The following DLG2 variants were observed in gnomAD, a reference collection of about 807,000 sequenced individuals.
DLG2 encodes disks large homolog 2.
In DLG2, 45 loss-of-function variants were observed where a neutral mutation model predicts 132.5. The observed-to-expected ratio is 0.34, with a 90% CI of 0.27 to 0.44. The LOEUF is 0.44. Among genes scored for constraint, DLG2 ranks in the 20% least tolerant of loss-of-function variants. The probability of loss-of-function intolerance (pLI) is 1.00; values close to 1 mark genes in which losing one functional copy is unlikely to be tolerated. For missense variants in DLG2, 1,045 were observed against 1,196.9 expected (o/e 0.87, Z 1.87); for synonymous variants, 424 against 419.6 (o/e 1.01, Z -0.13).
chr11:84,676,286 G>T (rs115645694), intron 6 of DLG2, among the ~76,000 whole-genome samples: 1,985 of 152,082 alleles, frequency 0.013, 27 homozygotes, highest in African/African-American at 0.025. Flanking sequence ...TCTGGAAACC[G>T]GAAGGAAAAC....
In DLG2 at chr11:83,862,187, G is replaced by A. The variant is rs115119237; in HGVS notation, c.1565+12233C>T. ...GCAATAGCCAAGATTTGGAAGAAAT[G>A]TAAGTGTCTACCAACAAACGAGAAT... On this transcript the variant is annotated intron_variant, in intron 16 of 27. Coordinates refer to ENST00000376104, the MANE Select transcript of DLG2 (RefSeq NM_001142699.3). 4.6e-3 allele frequency among the ~76,000 whole-genome samples: 695 copies of A among 152,250 alleles called. 2 individuals carry two copies. Among genetic ancestry groups the A allele is most frequent in the African/African-American group, 0.016 (667 of 41,576 alleles).
At chr11:84,723,680 T>A (rs985830388) in intron 6 of DLG2, among the ~76,000 whole-genome samples, 1 of 152,012 alleles carries the variant, frequency 6.6e-6, no homozygotes, top group Non-Finnish European at 1.5e-5. Context: ...AATTTGAGAG[T>A]GTACTGCATG....
At chr11:84,102,236 C>A (rs1056093001) in intron 9 of DLG2, among the ~76,000 whole-genome samples, 4 of 152,096 alleles carry the variant, frequency 2.6e-5, no homozygotes, top group African/African-American at 7.2e-5. Context: ...TTGTAGTTGT[C>A]TGTTTCTGAG....
intron 16 of DLG2, 54 bp downstream of exon 16, chr11:83,874,366 A>G: frequency 7.8e-7 from 1 of 1,275,096 alleles, no homozygotes; most frequent in South Asian, 1.7e-5. Flanking sequence ...AGAGAAAGGA[A>G]GACTTCATAT....
intron 7 of DLG2, among the ~76,000 whole-genome samples, chr11:84,436,226 G>A (rs888046851): frequency 7.9e-5 from 12 of 152,168 alleles, no homozygotes; most frequent in African/African-American, 1.4e-4. Context: ...AGTCAGTTAC[G>A]TTCTAAAATT....
chr11:85,003,759 A>G (rs2154131854), intron 6 of DLG2, among the ~76,000 whole-genome samples: 1 of 152,262 alleles, frequency 6.6e-6, no homozygotes, highest in Admixed American at 6.5e-5. Flanking sequence ...TCTGGGATAC[A>G]TATGCAGAAC....
intron 17 of DLG2, among the ~76,000 whole-genome samples, chr11:83,799,592 CCAAA>C (rs1462283765): frequency 6.6e-6 from 1 of 152,098 alleles, no homozygotes. Context: ...CTTCTGGAAG[CCAAA>C]CAGAGTTTAA....
intron 4 of DLG2, among the ~76,000 whole-genome samples, chr11:85,176,321 C>T (rs2079239380): frequency 6.6e-6 from 1 of 152,116 alleles, no homozygotes; most frequent in African/African-American, 2.4e-5. Context: ...ACATCTGCAA[C>T]CATCTGACCT....
intron 3 of DLG2, among the ~76,000 whole-genome samples, chr11:85,445,244 A>G (rs2091954964): frequency 6.6e-6 from 1 of 152,182 alleles, no homozygotes; most frequent in Non-Finnish European, 1.5e-5. Flanking sequence ...GTGGGGAGAA[A>G]CAATTACAAG....
At chr11:84,936,290 T>C (rs1248224264) in intron 6 of DLG2, among the ~76,000 whole-genome samples, 2 of 152,222 alleles carry the variant, frequency 1.3e-5, no homozygotes, top group African/African-American at 4.8e-5. Flanking sequence ...TTAAATATTT[T>C]GATAATTCTA....
At chr11:83,751,111 T>C (rs994944386) in intron 18 of DLG2, among the ~76,000 whole-genome samples, 2 of 152,224 alleles carry the variant, frequency 1.3e-5, no homozygotes, top group African/African-American at 2.4e-5. Context: ...AGTATATGTA[T>C]ACTGTGGAGG....
At chr11:84,860,208 C>T (rs531211581) in intron 6 of DLG2, among the ~76,000 whole-genome samples, 16 of 152,160 alleles carry the variant, frequency 1.1e-4, no homozygotes, top group African/African-American at 2.2e-4. Flanking sequence ...CTAAATGATA[C>T]GCCTCCTCAA....
intron 3 of DLG2, among the ~76,000 whole-genome samples, chr11:85,437,322 A>C (rs1049166403): frequency 6.6e-6 from 1 of 151,816 alleles, no homozygotes; most frequent in African/African-American, 2.4e-5. Flanking sequence ...AAAAAAAAAA[A>C]CAAAAAAAAA....
chr11:84,353,007 T>C (rs1306665813), intron 7 of DLG2, among the ~76,000 whole-genome samples: 1 of 152,220 alleles, frequency 6.6e-6, no homozygotes, highest in Non-Finnish European at 1.5e-5. Flanking sequence ...CCCATTACAC[T>C]AGATATTTTT....
intron 3 of DLG2, among the ~76,000 whole-genome samples, chr11:85,449,576 CATT>C (rs2092152348): frequency 6.6e-6 from 1 of 151,874 alleles, no homozygotes; most frequent in South Asian, 2.1e-4. Flanking sequence ...ACATTTTAAA[CATT>C]ATATGAAGTG....
At chr11:85,024,759 C>T (rs1374628938) in intron 6 of DLG2, among the ~76,000 whole-genome samples, 2 of 152,188 alleles carry the variant, frequency 1.3e-5, no homozygotes, top group East Asian at 3.9e-4. Flanking sequence ...GTCCTTTCTG[C>T]AAACACTTTT....
chr11:83,580,575 C>G (rs190522556), intron 19 of DLG2, among the ~76,000 whole-genome samples: 34 of 152,226 alleles, frequency 2.2e-4, no homozygotes, highest in Admixed American at 2.1e-3. Flanking sequence ...AAATCTGACC[C>G]AATTTATAAA....
chr11:84,873,993 A>G (rs1183586866), intron 6 of DLG2, among the ~76,000 whole-genome samples: 1 of 152,210 alleles, frequency 6.6e-6, no homozygotes, highest in African/African-American at 2.4e-5. Flanking sequence ...GCTCAAAGAA[A>G]GTGTCAAAGC....
At chr11:84,785,797 C>G (rs143695085) in intron 6 of DLG2, among the ~76,000 whole-genome samples, 2,540 of 151,602 alleles carry the variant, frequency 0.017, 54 homozygotes, top group African/African-American at 0.05. Context: ...CTCAGATTGC[C>G]TTATTTTGAC....
Sources: gnomAD v4.1 joint callset for allele counts (sites outside exome capture counted in the v4.1 genomes callset) on GRCh38, gnomAD v4.1.1 for gene constraint, MANE v1.5 for transcripts, NCBI Gene and HGNC (gene_info 2026-07-23, HGNC 2026-07-21) for gene names.